GALNT13: variants seen among roughly 807,000 people sequenced by gnomAD.
GALNT13 encodes the protein polypeptide N-acetylgalactosaminyltransferase 13.
GALNT13 carries 28 observed loss-of-function variants against 64.2 expected under a neutral mutation model. The ratio of observed to expected loss-of-function variants is 0.44; its 90% CI spans 0.32 to 0.60. The LOEUF is 0.60. Ranked by LOEUF, GALNT13 falls within the 20% of genes least tolerant of loss-of-function variation. The pLI is 0.05. For synonymous variants in GALNT13, 214 were observed against 224.6 expected, an observed-to-expected ratio of 0.95 and a Z score of 0.42; for missense variants, 577 against 669.8, an observed-to-expected ratio of 0.86 and a Z score of 1.53.
chr2:153,947,567 G>A (rs906504501), intron 3 of GALNT13, among the ~76,000 whole-genome samples: 1 of 151,124 alleles, frequency 6.6e-6, no homozygotes, highest in African/African-American at 2.4e-5. Flanking sequence ...GTCCCTTATA[G>A]ATGCAGGATA....
the GALNT13 span, among the ~76,000 whole-genome samples, chr2:153,279,575 G>T: frequency 1.1e-5 from 1 of 93,374 alleles, no homozygotes; most frequent in East Asian, 2.1e-4. Context: ...ATGAAGAAAT[G>T]TTGGATTTTA....
intron 4 of GALNT13, among the ~76,000 whole-genome samples, chr2:154,167,056 A>G (rs898545028): frequency 6.6e-6 from 1 of 152,146 alleles, no homozygotes; most frequent in Non-Finnish European, 1.5e-5. Context: ...CAGCACACCA[A>G]CATGGCACAT....
intron 11 of GALNT13, among the ~76,000 whole-genome samples, chr2:154,425,531 T>G (rs1700433301): frequency 6.6e-6 from 1 of 152,196 alleles, no homozygotes; most frequent in Non-Finnish European, 1.5e-5. Context: ...ATATCTCATT[T>G]AGGAGTCAGT....
the GALNT13 span, among the ~76,000 whole-genome samples, chr2:153,301,559 ACT>A: frequency 1.3e-5 from 2 of 151,862 alleles, no homozygotes; most frequent in African/African-American, 4.8e-5. Flanking sequence ...GTTAAAATCT[ACT>A]CTCTTAGCAA....
chr2:153,471,431 A>C, the GALNT13 span, among the ~76,000 whole-genome samples: 1 of 151,436 alleles, frequency 6.6e-6, no homozygotes. Flanking sequence ...CCAAGACTCC[A>C]CAGAGAAGAG....
intron 10 of GALNT13, among the ~76,000 whole-genome samples, chr2:154,406,627 C>T (rs1699555822): frequency 6.6e-6 from 1 of 152,070 alleles, no homozygotes; most frequent in African/African-American, 2.4e-5. Flanking sequence ...TCCAACTGAC[C>T]TTTCCTTTCT....
the GALNT13 span, among the ~76,000 whole-genome samples, chr2:153,508,801 G>A: frequency 0.38 from 57,577 of 152,014 alleles, 11,912 homozygotes; most frequent in East Asian, 0.77. Context: ...GTGAGTCTCC[G>A]CAGGCTGCTC....
chr2:154,358,872 C>T (rs1205329081), intron 9 of GALNT13, among the ~76,000 whole-genome samples: 1 of 152,094 alleles, frequency 6.6e-6, no homozygotes, highest in Non-Finnish European at 1.5e-5. Context: ...TGTTCACTCA[C>T]TGAAATTCAC....
At chr2:153,290,381 G>T in the GALNT13 span, among the ~76,000 whole-genome samples, 1 of 152,078 alleles carries the variant, frequency 6.6e-6, no homozygotes, top group African/African-American at 2.4e-5. Flanking sequence ...TGCCTATATG[G>T]TTATTTGTGG....
intron 2 of GALNT13, among the ~76,000 whole-genome samples, chr2:153,930,914 A>G (rs1350970270): frequency 1.3e-5 from 2 of 152,132 alleles, no homozygotes; most frequent in Non-Finnish European, 2.9e-5. Context: ...GGCTTTGGGC[A>G]GTATAGCCAT....
intron 9 of GALNT13, among the ~76,000 whole-genome samples, chr2:154,345,334 A>C (rs748818530): frequency 6.6e-6 from 1 of 151,996 alleles, no homozygotes; most frequent in Non-Finnish European, 1.5e-5. Context: ...CAAATGGTTC[A>C]ACAGTTTTCC....
At chr2:154,377,415 A>G (rs1200405356) in intron 9 of GALNT13, among the ~76,000 whole-genome samples, 1 of 152,120 alleles carries the variant, frequency 6.6e-6, no homozygotes, top group Non-Finnish European at 1.5e-5. Context: ...AGAGGATGGA[A>G]AGAAGGCAGG....
At chr2:153,141,052 A>G in the GALNT13 span, among the ~76,000 whole-genome samples, 19 of 152,126 alleles carry the variant, frequency 1.2e-4, no homozygotes, top group Non-Finnish European at 2.2e-4. Context: ...GTCAAAGAGA[A>G]CCATTAATCT....
At chr2:153,769,849 A>G in the GALNT13 span, among the ~76,000 whole-genome samples, 5 of 152,092 alleles carry the variant, frequency 3.3e-5, no homozygotes, top group East Asian at 1.9e-4. Flanking sequence ...CTTTCACTCA[A>G]TTTAGCCTAT....
At chr2:154,048,549 C>T (rs1236741906) in intron 3 of GALNT13, among the ~76,000 whole-genome samples, 1 of 152,106 alleles carries the variant, frequency 6.6e-6, no homozygotes, top group Non-Finnish European at 1.5e-5. Flanking sequence ...TAAAGGAGGT[C>T]ATCTACAGTG....
chr2:154,201,097 A>C (rs1687144747), intron 4 of GALNT13, among the ~76,000 whole-genome samples: 1 of 152,104 alleles, frequency 6.6e-6, no homozygotes, highest in Admixed American at 6.6e-5. Context: ...GCTTTGTATT[A>C]GTTTGTAAGA....
intron 4 of GALNT13, among the ~76,000 whole-genome samples, chr2:154,233,626 A>G (rs1304004338): frequency 7.9e-5 from 12 of 152,306 alleles, no homozygotes; most frequent in East Asian, 1.9e-4. Flanking sequence ...AACACACAGC[A>G]CAATACCTGC....
the GALNT13 span, among the ~76,000 whole-genome samples, chr2:153,432,839 A>G: frequency 2.0e-5 from 3 of 152,140 alleles, no homozygotes; most frequent in African/African-American, 7.2e-5. Flanking sequence ...CCTAGATTAA[A>G]CTTACCTCTT....
the GALNT13 span, among the ~76,000 whole-genome samples, chr2:153,286,346 A>T: frequency 6.6e-6 from 1 of 152,184 alleles, no homozygotes; most frequent in African/African-American, 2.4e-5. Flanking sequence ...ATGACTATTT[A>T]TATAGATGAG....
Sources: allele counts gnomAD v4.1 joint callset (sites outside exome capture counted in the v4.1 genomes callset), GRCh38; gene constraint gnomAD v4.1.1; transcripts MANE v1.5; gene names NCBI Gene and HGNC (gene_info 2026-07-23, HGNC 2026-07-21).